Variants in NOC4L observed in about 807,000 individuals in gnomAD.
The protein encoded by NOC4L is nucleolar complex associated 4 homolog.
Under a neutral mutation model 62.8 loss-of-function variants are expected in NOC4L, and 40 were observed. The observed-to-expected ratio is 0.64, with a 90% CI of 0.49 to 0.83. The LOEUF (loss-of-function observed/expected upper bound fraction) is 0.83. NOC4L is among the 40% of genes least tolerant of loss of function. NOC4L has a pLI of 0.00. For synonymous variants in NOC4L, 433 were observed against 299.8 expected, an observed-to-expected ratio of 1.44 and a Z score of -4.59; for missense variants, 927 against 701.9, an observed-to-expected ratio of 1.32 and a Z score of -3.62.
intron 13 of NOC4L, 34 bp from the exon 14 acceptor site, chr12:132,152,050 G>A: frequency 1.3e-6 from 2 of 1,558,688 alleles, no homozygotes; most frequent in Non-Finnish European, 1.7e-6. Flanking sequence ...CGGGGGCCTG[G>A]GGCAGCTGCC....
chr12:132,146,575 C>T (rs575099210), intron 3 of NOC4L, among the ~76,000 whole-genome samples: 2 of 152,330 alleles, frequency 1.3e-5, no homozygotes, highest in African/African-American at 2.4e-5. Context: ...TACCCTCCCC[C>T]TGGCAGCATT....
In NOC4L at chr12:132,151,120, C is replaced by A. The variant is rs575638590; in HGVS notation, c.962+79C>A. ...TCTGTCCCCTTCCCACCCTGCCCCA[C>A]GGGGTCCCCGCTTTCCTCACAGGCC... On this transcript the variant is annotated intron_variant, in intron 10 of 14. Transcript: ENST00000330579. 10 of 1,466,234 alleles carry A rather than the reference C, an allele frequency of 6.8e-6. No homozygotes were observed. The East Asian group carries it at 9.1e-5, about 13-fold the overall frequency. The allele number at this position is 1,466,234 out of a possible 1,614,324, so 90.8% of individuals were successfully genotyped here.
At chr12:132,145,991 T>A (rs1230443466) in intron 3 of NOC4L, among the ~76,000 whole-genome samples, 1 of 152,222 alleles carries the variant, frequency 6.6e-6, no homozygotes, top group Non-Finnish European at 1.5e-5. Context: ...GGGAATGCAT[T>A]ATGAGCTTTC....
At position 132,148,074 on chromosome 12, in the gene NOC4L, C is replaced by A. The variant is rs756570745; in HGVS notation, c.706C>A (p.Leu236Met). ...CTTTGCCCTCGCTTTCCCTGCAGAG[C>A]TGTGGGACACCTGGAAGGTTGCTCA... ...VSSFYVKRAE[L>M]WDTWKVAHLK... The change falls in exon 7 of 15, where the codon CTG becomes ATG. Residue 236 changes from leucine to methionine, a missense_variant and splice_region_variant. Leu to Met is a conservative substitution (Grantham distance 15). Coordinates refer to ENST00000330579, the MANE Select transcript of NOC4L (RefSeq NM_024078.3). 1.9e-6 allele frequency: 3 copies of A among 1,613,488 alleles called. No homozygotes were observed. In the South Asian group the frequency reaches 3.3e-5, roughly 18 times the overall value.
Position 132,151,787 on chromosome 12 carries a change from C to T in NOC4L, c.1284C>T (p.Ser428=), listed in dbSNP as rs1318335380. 6.2e-7 allele frequency: 1 copy of T among 1,612,228 alleles called. No homozygotes were observed. The highest frequency in any genetic ancestry group is 8.5e-7 in the Non-Finnish European group (1 of 1,179,812). ...CTGGAGAGGAGGACCCAGCCCAGAG[C>T]CGGGCCTTGGAGAGCTCCCTGTGGG... ...YDPGEEDPAQ[S]RALESSLWEL... is the part of the protein sequence containing the mutation. The change falls in exon 13 of 15, where the codon AGC becomes AGT. Residue 428 remains serine, a synonymous_variant. Transcript: ENST00000330579.
At chr12:132,148,373 C>T (rs1324778753) in intron 7 of NOC4L, among the ~76,000 whole-genome samples, 1 of 152,214 alleles carries the variant, frequency 6.6e-6, no homozygotes, top group Non-Finnish European at 1.5e-5. Flanking sequence ...GTTTTGGGCG[C>T]AGCCCCCCTC....
chr12:132,144,538 G>T lies in NOC4L; in HGVS notation c.50G>T (p.Arg17Leu). 6.6e-7 allele frequency: 1 copy of T among 1,517,846 alleles called. No homozygotes were observed. Among genetic ancestry groups the T allele is most frequent in the Non-Finnish European group, 8.8e-7 (1 of 1,141,380 alleles). 94.0% of individuals were successfully genotyped at this position (1,517,846 alleles called of 1,614,324 possible). Reference protein sequence around the residue: ...AAGVRRALGRRLEAVLASRSE... With the variant: ...AAGVRRALGRLLEAVLASRSE... ...GGAGTTCGCCGGGCTCTGGGCCGCC[G>T]GCTGGAGGCGGTGCTGGCGAGCCGC... The change falls in exon 1 of 15, where the codon CGG (arginine) becomes CTG (leucine). Residue 17 changes from arginine to leucine, a missense_variant. Physicochemically the swap from Arg to Leu is moderately radical, Grantham distance 102. Coordinates refer to ENST00000330579, the MANE Select transcript of NOC4L (RefSeq NM_024078.3).
Position 132,148,776 on chromosome 12 carries a change from C to A in NOC4L, c.790-8C>A, listed in dbSNP as rs202156229. On this transcript the variant is annotated splice_region_variant and splice_polypyrimidine_tract_variant and intron_variant, in intron 8 of 14. Transcript: ENST00000330579. ...GCCCCTCACCCCCACCTGCCGGCCC[C>A]CGCCCAGCTGCCCCTCAGCCTCTAC... 2 of 1,537,084 alleles carry A rather than the reference C, an allele frequency of 1.3e-6. No individual in the cohort carries two copies. The highest frequency in any genetic ancestry group is 2.4e-5 in the East Asian group (1 of 40,980).
At chr12:132,147,522 A>G in intron 4 of NOC4L, 111 bp from the exon 5 acceptor site, 1 of 1,481,750 alleles carries the variant, frequency 6.7e-7, no homozygotes, top group African/African-American at 1.4e-5. Flanking sequence ...CCTGTGGCCC[A>G]CCCAACCAGG....
intron 9 of NOC4L, 160 bp from the exon 10 acceptor site, chr12:132,150,821 C>T: frequency 1.6e-6 from 1 of 632,288 alleles, no homozygotes; most frequent in South Asian, 1.8e-5. Context: ...ACCCCCCACT[C>T]CCCTGCCCTG....
chr12:132,146,991 C>T lies in NOC4L; in HGVS notation c.346-290C>T, dbSNP rs181529311. 4.6e-5 allele frequency among the ~76,000 whole-genome samples: 7 copies of T among 152,254 alleles called. No individual in the cohort carries two copies. In the East Asian group the frequency reaches 1.2e-3, roughly 25 times the overall value. On this transcript the variant is annotated intron_variant, in intron 3 of 14. Transcript: ENST00000330579. ...GGTGGCATTCCCGTGACACAGGTGA[C>T]GAGAGAGCAGTCAGGTGGCCCATAA...
Position 132,151,821 on chromosome 12 carries a change from G to C in NOC4L, c.1317+1G>C, listed in dbSNP as rs1215766215. The C allele has an allele frequency of 1.2e-6, 2 of 1,610,820 alleles. No individual in the cohort carries two copies. Among genetic ancestry groups the C allele is most frequent in the Non-Finnish European group, 1.7e-6 (2 of 1,179,200 alleles). ...GGAGAGCTCCCTGTGGGAGCTTCAG[G>C]TGAGGGCGCTGCTGCCACACCCTGG... On this transcript the variant is annotated splice_donor_variant, in intron 13 of 14. Transcript: ENST00000330579. LOFTEE classifies it high-confidence loss of function.
intron 7 of NOC4L, among the ~76,000 whole-genome samples, 197 bp from the exon 8 acceptor site, chr12:132,148,412 C>T (rs914041392): frequency 2.0e-5 from 3 of 152,220 alleles, no homozygotes; most frequent in Admixed American, 1.3e-4. Flanking sequence ...AAGCTGCTTT[C>T]TTGGCTGTTC....
chr12:132,148,958 CTCCT>C lies in NOC4L; in HGVS notation c.901+64_901+67del, dbSNP rs1267509117. 1.4e-4 allele frequency: 45 copies of C among 317,110 alleles called. 1 individual carries two copies. The highest frequency in any genetic ancestry group is 7.7e-4 in the Middle Eastern group (1 of 1,306). The allele number at this position is 317,110 out of a possible 1,614,324, so 19.6% of individuals were successfully genotyped here. On this transcript the variant is annotated intron_variant, in intron 9 of 14. Transcript: ENST00000330579. Reference sequence around the variant, plus strand: ...CCCCTCGGTGAGTGCCGCCGCCTCACTCCTACCACACCCCTAATCCCCTCGGTGA... The same window carrying C: ...CCCCTCGGTGAGTGCCGCCGCCTCACACCACACCCCTAATCCCCTCGGTGA...
At position 132,147,933 on chromosome 12, in the gene NOC4L, G is replaced by T. The variant is rs911207342; in HGVS notation, c.657G>T (p.Leu219=). 1.2e-6 allele frequency: 2 copies of T among 1,602,742 alleles called. No homozygotes were observed. Among genetic ancestry groups the T allele is most frequent in the East Asian group, 2.3e-5 (1 of 44,222 alleles). ...NAFTLLSAVS[L]PRREPTVSSF... Reference sequence around the variant, plus strand: ...TCACGCTGCTGTCTGCCGTGAGCCTGCCCCGCCGGGAGCCCACCGTCTCCA... The same window carrying T: ...TCACGCTGCTGTCTGCCGTGAGCCTTCCCCGCCGGGAGCCCACCGTCTCCA... The change falls in exon 6 of 15, where the codon CTG becomes CTT. Residue 219 remains leucine, a synonymous_variant. Transcript: ENST00000330579.
intron 7 of NOC4L, 147 bp from the exon 8 acceptor site, chr12:132,148,462 A>G: frequency 3.4e-6 from 3 of 880,220 alleles, no homozygotes; most frequent in Non-Finnish European, 5.3e-6. Context: ...CCTGACTTGA[A>G]TGGGGACAGG....
At chr12:132,145,142 C>T (rs903379057) in intron 2 of NOC4L, among the ~76,000 whole-genome samples, 168 bp downstream of exon 2, 3 of 152,230 alleles carry the variant, frequency 2.0e-5, no homozygotes, top group Admixed American at 6.5e-5. Context: ...GCAGGGGTGA[C>T]ATGGGTGCCC....
rs567919385 is a variant in NOC4L at position 132,146,993 on chromosome 12, A to G, written c.346-288A>G. On this transcript the variant is annotated intron_variant, in intron 3 of 14. Transcript: ENST00000330579. ...TGGCATTCCCGTGACACAGGTGACG[A>G]GAGAGCAGTCAGGTGGCCCATAAAG... Among the ~76,000 whole-genome samples, 3 of 152,304 alleles carry G rather than the reference A, an allele frequency of 2.0e-5. No individual in the cohort carries two copies. The South Asian group carries it at 6.2e-4, about 32-fold the overall frequency.
rs199775048 is a variant in NOC4L at position 132,151,316 on chromosome 12, G to A, written c.1021G>A (p.Val341Ile). Reference protein sequence around the residue: ...YGLLDPSVFHVKYRARFFHLA... With the variant: ...YGLLDPSVFHIKYRARFFHLA... ...CCTCTTGGACCCCTCTGTCTTTCAC[G>A]TCAAGTACCGCGCCCGCTTCTTCCA... The change falls in exon 11 of 15, where the codon GTC becomes ATC. Residue 341 changes from valine (V) to isoleucine (I), a missense_variant. Physicochemically the swap from Val to Ile is conservative, Grantham distance 29. Coordinates refer to ENST00000330579, the MANE Select transcript of NOC4L (RefSeq NM_024078.3). The A allele has an allele frequency of 8.3e-5, 134 of 1,611,766 alleles. No individual in the cohort carries two copies. In the Admixed American group the frequency reaches 1.6e-3, roughly 19 times the overall value.
Sources: allele counts gnomAD v4.1 joint callset (sites outside exome capture counted in the v4.1 genomes callset), GRCh38; gene constraint gnomAD v4.1.1; transcripts MANE v1.5; gene names NCBI Gene and HGNC (gene_info 2026-07-23, HGNC 2026-07-21).